The following PLEKHD1 variants were observed in gnomAD, a reference collection of about 807,000 sequenced individuals.
PLEKHD1 encodes pleckstrin homology and coiled-coil domain containing D1, also known as pleckstrin homology domain-containing family D member 1.
Under a neutral mutation model 69.2 loss-of-function variants are expected in PLEKHD1, and 51 were observed. That is an observed-to-expected ratio of 0.74 (90% CI 0.59 to 0.93). The LOEUF (loss-of-function observed/expected upper bound fraction) is 0.93. Among genes scored for constraint, PLEKHD1 ranks in the 40% least tolerant of loss-of-function variants. The pLI is 0.00. For synonymous variants in PLEKHD1, 236 were observed against 244.7 expected (o/e 0.96, Z 0.33); for missense variants, 584 against 641.0 (o/e 0.91, Z 0.96).
At position 69,526,969 on chromosome 14, in the gene PLEKHD1, C is replaced by G. The variant is rs181899423; in HGVS notation, c.1056+140C>G. On this transcript the variant is annotated intron_variant, in intron 10 of 12. Transcript: ENST00000322564. Reference sequence around the variant, plus strand: ...CCAGGCATGGGGGATGGAGCCACCACGAGGGGAAGCAGCAAGTCTGCTGCA... The same window carrying G: ...CCAGGCATGGGGGATGGAGCCACCAGGAGGGGAAGCAGCAAGTCTGCTGCA... 602 of 1,307,600 alleles carry G rather than the reference C, an allele frequency of 4.6e-4. No homozygotes were observed. The African/African-American group carries it at 5.1e-3, about 11-fold the overall frequency. The allele number at this position is 1,307,600 out of a possible 1,614,324, so 81.0% of individuals were successfully genotyped here. A position where few individuals can be genotyped will look rare whatever the true frequency, so the allele number is the denominator to read the frequency against.
At chr14:69,476,188 G>A in the PLEKHD1 span, among the ~76,000 whole-genome samples, 8 of 149,566 alleles carry the variant, frequency 5.3e-5, no homozygotes, top group African/African-American at 2.0e-4. Context: ...AACCCAGGAG[G>A]TGGAAGTTGC....
the PLEKHD1 span, among the ~76,000 whole-genome samples, chr14:69,471,092 T>G: frequency 4.3e-5 from 1 of 23,460 alleles, no homozygotes; most frequent in South Asian, 1.9e-3. Context: ...TGCCTGGCCT[T>G]TTTTTTTTTT....
chr14:69,476,598 C>T, the PLEKHD1 span, among the ~76,000 whole-genome samples: 2 of 152,056 alleles, frequency 1.3e-5, no homozygotes, highest in Non-Finnish European at 2.9e-5. Context: ...TAAAAGACAT[C>T]ACTAAAGAAG....
chr14:69,499,893 G>A (rs1233503181), intron 1 of PLEKHD1, among the ~76,000 whole-genome samples: 1 of 152,200 alleles, frequency 6.6e-6, no homozygotes, highest in African/African-American at 2.4e-5. Flanking sequence ...TGGGGCTCCC[G>A]CTCCAGCTGG....
chr14:69,503,184 A>T (rs1230486164), intron 6 of PLEKHD1: 6 of 408,994 alleles, frequency 1.5e-5, no homozygotes, highest in Non-Finnish European at 2.8e-5. Flanking sequence ...CTTGTCAATG[A>T]TGTTCACGGG....
chr14:69,514,638 T>C (rs1566562812), intron 6 of PLEKHD1, among the ~76,000 whole-genome samples: 1 of 152,158 alleles, frequency 6.6e-6, no homozygotes, highest in Non-Finnish European at 1.5e-5. Context: ...TGTGATTTTT[T>C]GTTGAATGCC....
intron 6 of PLEKHD1, among the ~76,000 whole-genome samples, chr14:69,509,464 T>G (rs1883222009): frequency 6.6e-6 from 1 of 152,242 alleles, no homozygotes; most frequent in African/African-American, 2.4e-5. Context: ...AATCTTTTTG[T>G]AGACATCACC....
chr14:69,481,333 CA>C (rs879462946), upstream of PLEKHD1, among the ~76,000 whole-genome samples: 1 of 151,914 alleles, frequency 6.6e-6, no homozygotes, highest in South Asian at 2.1e-4. Flanking sequence ...ACAACAACAA[CA>C]AAAAAATATG....
At chr14:69,495,719 C>A (rs1053190645) in intron 1 of PLEKHD1, among the ~76,000 whole-genome samples, 1 of 152,228 alleles carries the variant, frequency 6.6e-6, no homozygotes, top group Non-Finnish European at 1.5e-5. Context: ...GCCTCAGGGC[C>A]TTTGCACCTG....
chr14:69,527,231 A>T lies in PLEKHD1; in HGVS notation c.1100A>T (p.Glu367Val). Reference sequence around the variant, plus strand: ...ATGGACCTGGAGAGGCGTCTCCGGGAGGCAGAAGGGGCCTTGCGAAGCCTG... The same window carrying T: ...ATGGACCTGGAGAGGCGTCTCCGGGTGGCAGAAGGGGCCTTGCGAAGCCTG... ...VRMDLERRLREAEGALRSLEQ... is the reference protein window; with the variant it reads ...VRMDLERRLRVAEGALRSLEQ... The change falls in exon 11 of 13, where the codon GAG (glutamate) becomes GTG (valine). Residue 367 changes from glutamate (E) to valine (V), a missense_variant. Coordinates refer to ENST00000322564, the MANE Select transcript of PLEKHD1 (RefSeq NM_001161498.2). 1 of 1,551,634 alleles carries T rather than the reference A, an allele frequency of 6.4e-7. No individual in the cohort carries two copies. Among genetic ancestry groups the T allele is most frequent in the Non-Finnish European group, 8.7e-7 (1 of 1,146,950 alleles).
intron 1 of PLEKHD1, among the ~76,000 whole-genome samples, chr14:69,495,343 C>A (rs1882864932): frequency 6.6e-6 from 1 of 152,192 alleles, no homozygotes; most frequent in African/African-American, 2.4e-5. Context: ...CTCAACACAG[C>A]AGGGTCGAGA....
chr14:69,503,593 A>C (rs1331611111), intron 6 of PLEKHD1: 4 of 149,280 alleles, frequency 2.7e-5, no homozygotes, highest in South Asian at 2.1e-4. Context: ...CGGGAGGCTG[A>C]GGCAGGAGAA....
At chr14:69,502,247 G>GTTA (rs2139507305) in intron 5 of PLEKHD1, 1 of 182,054 alleles carries the variant, frequency 5.5e-6, no homozygotes, top group African/African-American at 2.4e-5. Context: ...AGTTGATGTT[G>GTTA]TTATCCTATC....
chr14:69,510,843 T>A (rs1883254706), intron 6 of PLEKHD1, among the ~76,000 whole-genome samples: 1 of 152,258 alleles, frequency 6.6e-6, no homozygotes, highest in African/African-American at 2.4e-5. Context: ...TCTGATCTTA[T>A]CAGGCAAGCT....
At chr14:69,502,938 C>T in intron 6 of PLEKHD1, 59 bp downstream of exon 6, 1 of 1,538,828 alleles carries the variant, frequency 6.5e-7, no homozygotes, top group Non-Finnish European at 8.8e-7. Context: ...GTTTCTAGCA[C>T]TAGGGAATGA....
chr14:69,479,868 A>G (rs7160248), upstream of PLEKHD1, among the ~76,000 whole-genome samples: 72,787 of 151,850 alleles, frequency 0.48, 17,689 homozygotes, highest in Middle Eastern at 0.59. Flanking sequence ...CGCCACACAC[A>G]CAGACTATTT....
chr14:69,510,755 G>C (rs78135980), intron 6 of PLEKHD1, among the ~76,000 whole-genome samples: 4,493 of 152,092 alleles, frequency 0.03, 145 homozygotes, highest in South Asian at 0.17. Flanking sequence ...TCCTTTTCTT[G>C]TCTGATTGTG....
intron 6 of PLEKHD1, among the ~76,000 whole-genome samples, chr14:69,509,748 G>A (rs1445126502): frequency 1.3e-5 from 2 of 152,102 alleles, no homozygotes; most frequent in Non-Finnish European, 2.9e-5. Context: ...AACCAGCCTA[G>A]CCAACATGGT....
the PLEKHD1 span, among the ~76,000 whole-genome samples, chr14:69,475,880 G>C: frequency 6.6e-6 from 1 of 152,202 alleles, no homozygotes; most frequent in Non-Finnish European, 1.5e-5. Flanking sequence ...CGCAGGTAGA[G>C]GAGCCCAAGG....
Sources: gnomAD v4.1 joint callset for allele counts (sites outside exome capture counted in the v4.1 genomes callset) on GRCh38, gnomAD v4.1.1 for gene constraint, MANE v1.5 for transcripts, NCBI Gene and HGNC (gene_info 2026-07-23, HGNC 2026-07-21) for gene names.